Variants in FSTL4 observed in about 807,000 individuals in gnomAD.
FSTL4 encodes the protein follistatin like 4.
In FSTL4, 28 loss-of-function variants were observed where a neutral mutation model predicts 78.2. The ratio of observed to expected loss-of-function variants is 0.36; its 90% CI spans 0.27 to 0.49. The LOEUF (loss-of-function observed/expected upper bound fraction) is 0.49, where lower values mean the gene tolerates loss of function less well. Among genes scored for constraint, FSTL4 ranks in the 20% least tolerant of loss-of-function variants. The pLI is 0.98. For missense variants in FSTL4, 922 were observed against 1,084.9 expected, an observed-to-expected ratio of 0.85 and a Z score of 2.11; for synonymous variants, 422 against 440.5, an observed-to-expected ratio of 0.96 and a Z score of 0.53.
intron 3 of FSTL4, among the ~76,000 whole-genome samples, chr5:133,531,579 G>C (rs823994): frequency 0.073 from 11,188 of 152,264 alleles, 551 homozygotes; most frequent in Non-Finnish European, 0.1. Context: ...CTCAGCTCTG[G>C]GGAATGAACA....
chr5:133,452,024 C>T (rs31336), intron 3 of FSTL4, among the ~76,000 whole-genome samples: 9,197 of 152,286 alleles, frequency 0.06, 446 homozygotes, highest in Admixed American at 0.17. Context: ...TCCCTCTTCC[C>T]CCAGGAGCCC....
At chr5:133,243,838 G>T (rs866700321) in intron 7 of FSTL4, 2 of 152,444 alleles carry the variant, frequency 1.3e-5, no homozygotes, top group Middle Eastern at 3.4e-3. Context: ...GTTTCTGCCC[G>T]TTCCTGTCTC....
intron 3 of FSTL4, among the ~76,000 whole-genome samples, chr5:133,552,877 A>T (rs189310955): frequency 5.9e-5 from 9 of 152,276 alleles, no homozygotes; most frequent in African/African-American, 2.2e-4. Flanking sequence ...AAGCCCTAAC[A>T]GTGGGTGTTC....
intron 3 of FSTL4, among the ~76,000 whole-genome samples, chr5:133,507,240 G>T (rs1758627945): frequency 6.6e-6 from 1 of 152,020 alleles, no homozygotes; most frequent in Non-Finnish European, 1.5e-5. Context: ...ATAAAAAGCA[G>T]GCAATATAAA....
chr5:133,434,423 C>A (rs1341900368), intron 3 of FSTL4, among the ~76,000 whole-genome samples: 1 of 152,134 alleles, frequency 6.6e-6, no homozygotes, highest in Non-Finnish European at 1.5e-5. Context: ...ACTTAACATT[C>A]TTTTTGTGAC....
At chr5:133,324,192 T>C (rs966128995) in intron 4 of FSTL4, among the ~76,000 whole-genome samples, 1 of 152,200 alleles carries the variant, frequency 6.6e-6, no homozygotes, top group African/African-American at 2.4e-5. Context: ...ACCATCTTCA[T>C]TCTGTGGCAG....
Position 133,199,168 on chromosome 5 carries a change from C to T in FSTL4, c.2456G>A (p.Arg819Lys). ...ARESLFLING[R>K]QNTLRCEVSG... ...CACCTCACACCGCAGCGTGTTTTGT[C>T]TCCCATTGATGAGGAACAGTGACTC... Residue 819 changes from arginine to lysine, a missense_variant, in exon 16 of 16, where the codon AGA becomes AAA. Physicochemically the swap from Arg to Lys is conservative, Grantham distance 26. Coordinates refer to ENST00000265342, the MANE Select transcript of FSTL4 (RefSeq NM_015082.2). The surrounding 1 kb of genome is among the most constrained non-coding windows in gnomAD (Gnocchi z 4.4). The T allele has an allele frequency of 1.2e-6, 2 of 1,608,470 alleles. No individual in the cohort carries two copies. Among genetic ancestry groups the T allele is most frequent in the African/African-American group, 1.3e-5 (1 of 74,900 alleles).
At chr5:133,757,552 G>A in the FSTL4 span, among the ~76,000 whole-genome samples, 1 of 152,206 alleles carries the variant, frequency 6.6e-6, no homozygotes, top group Admixed American at 6.5e-5. Context: ...GGAAAAGATG[G>A]ATTTGGCGTC....
chr5:133,599,067 G>A (rs1040074120), intron 2 of FSTL4, among the ~76,000 whole-genome samples: 12 of 152,168 alleles, frequency 7.9e-5, no homozygotes, highest in African/African-American at 2.7e-4. Flanking sequence ...GCACAGTCAG[G>A]GTTATGGGTG....
intron 4 of FSTL4, among the ~76,000 whole-genome samples, chr5:133,330,173 A>T (rs1356946604): frequency 6.6e-6 from 1 of 152,194 alleles, no homozygotes; most frequent in Non-Finnish European, 1.5e-5. Flanking sequence ...AGATATTTAC[A>T]TACTGAAAGG....
chr5:133,729,655 A>G, the FSTL4 span, among the ~76,000 whole-genome samples: 2 of 152,236 alleles, frequency 1.3e-5, no homozygotes, highest in South Asian at 2.1e-4. Flanking sequence ...TCCCACCTCA[A>G]TATTCTACCA....
chr5:133,669,010 C>T, the FSTL4 span, among the ~76,000 whole-genome samples: 1 of 152,148 alleles, frequency 6.6e-6, no homozygotes, highest in African/African-American at 2.4e-5. Context: ...AATTCATTCC[C>T]ATTTAGCAAA....
the FSTL4 span, among the ~76,000 whole-genome samples, chr5:133,687,814 G>A: frequency 6.6e-6 from 1 of 152,156 alleles, no homozygotes; most frequent in Non-Finnish European, 1.5e-5. Context: ...CACAACTTGG[G>A]CACCATCAGT....
the FSTL4 span, among the ~76,000 whole-genome samples, chr5:133,714,133 T>A: frequency 6.6e-6 from 1 of 151,968 alleles, no homozygotes; most frequent in East Asian, 1.9e-4. Flanking sequence ...ACAATAATGA[T>A]CTGGACAGAG....
chr5:133,741,566 G>A, the FSTL4 span, among the ~76,000 whole-genome samples: 2 of 152,210 alleles, frequency 1.3e-5, no homozygotes, highest in Non-Finnish European at 2.9e-5. Context: ...GCGGGGGCAA[G>A]AAAAGTGGCC....
intron 6 of FSTL4, among the ~76,000 whole-genome samples, chr5:133,276,680 T>G (rs534416689): frequency 6.6e-6 from 1 of 152,304 alleles, no homozygotes; most frequent in East Asian, 1.9e-4. Flanking sequence ...ATCAATATCT[T>G]GTTACTCTGT....
At chr5:133,704,915 G>T in the FSTL4 span, among the ~76,000 whole-genome samples, 7 of 152,236 alleles carry the variant, frequency 4.6e-5, no homozygotes, top group Non-Finnish European at 8.8e-5. Flanking sequence ...ATGGAAACAT[G>T]AAAACGCATT....
chr5:133,256,086 A>C (rs1008198637), intron 6 of FSTL4, among the ~76,000 whole-genome samples: 3 of 152,204 alleles, frequency 2.0e-5, no homozygotes, highest in South Asian at 4.1e-4. Context: ...CATTGGTGAA[A>C]AAAACCCTGT....
At chr5:133,416,868 C>G (rs1288800876) in intron 3 of FSTL4, among the ~76,000 whole-genome samples, 1 of 152,170 alleles carries the variant, frequency 6.6e-6, no homozygotes, top group Admixed American at 6.5e-5. Context: ...AATGAGTGCT[C>G]TGGTTTGAAT....
Sources: gnomAD v4.1 joint callset for allele counts (sites outside exome capture counted in the v4.1 genomes callset) on GRCh38, gnomAD v4.1.1 for gene constraint, Gnocchi (gnomAD v3.1) non-coding constraint, MANE v1.5 for transcripts, NCBI Gene and HGNC (gene_info 2026-07-23, HGNC 2026-07-21) for gene names.